TJP1: variants seen among roughly 807,000 people sequenced by gnomAD.
The protein encoded by TJP1 is tight junction protein ZO-1.
A neutral mutation model predicts 194.2 loss-of-function variants in TJP1; 43 were observed. The ratio of observed to expected loss-of-function variants is 0.22; its 90% CI spans 0.17 to 0.29. TJP1 has a LOEUF of 0.29. TJP1 is among the 10% of genes least tolerant of loss of function. The pLI, the probability that TJP1 is intolerant of heterozygous loss-of-function variation, is 1.00. For missense variants in TJP1, 1,971 were observed against 2,185.7 expected (o/e 0.90, Z 1.96); for synonymous variants, 801 against 779.0 (o/e 1.03, Z -0.47).
Position 29,718,489 on chromosome 15 carries a change from T to C in TJP1, c.3653A>G (p.His1218Arg), listed in dbSNP as rs1291693735. ...CAGCGGAGGGACAGCTGCAGCACCA[T>C]GGAGAGGCTCAAAATGACCTGCTCT... ...TSRAGHFEPL[H>R]GAAAVPPLIP... The change falls in exon 21 of 28, where the codon CAT becomes CGT. Residue 1218 changes from histidine to arginine, a missense_variant. His to Arg is a conservative substitution (Grantham distance 29). Coordinates refer to ENST00000614355, the MANE Select transcript of TJP1 (RefSeq NM_001330239.4). 5 of 1,614,146 alleles carry C rather than the reference T, an allele frequency of 3.1e-6. No homozygotes were observed. The highest frequency in any genetic ancestry group is 1.7e-5 in the Admixed American group (1 of 60,016).
Position 29,719,794 on chromosome 15 carries a change from G to A in TJP1, c.2986C>T (p.His996Tyr). The A allele has an allele frequency of 2.5e-6, 4 of 1,613,866 alleles. No homozygotes were observed. The highest frequency in any genetic ancestry group is 3.4e-6 in the Non-Finnish European group (4 of 1,179,868). The change falls in exon 20 of 28, where the codon CAT (histidine) becomes TAT (tyrosine). Residue 996 changes from histidine to tyrosine, a missense_variant. His to Tyr is a moderately conservative substitution (Grantham distance 83, BLOSUM62 2). Coordinates refer to ENST00000614355, the MANE Select transcript of TJP1 (RefSeq NM_001330239.4). ...LRDQEPSLSS[H>Y]VDPTKVYRKD... ...ACAGGTACCTTTGTTGGATCTACATGCGACGACAATGATGGTTCTTGATCT... is the reference window on the plus strand; with the variant it reads ...ACAGGTACCTTTGTTGGATCTACATACGACGACAATGATGGTTCTTGATCT...
In TJP1 at chr15:29,789,457, A is replaced by G. The variant is rs531770734; in HGVS notation, c.84+11189T>C. Among the ~76,000 whole-genome samples, 9 of 152,326 alleles carry G rather than the reference A, an allele frequency of 5.9e-5. No homozygotes were observed. In the South Asian group the frequency reaches 1.7e-3, roughly 28 times the overall value. On this transcript the variant is annotated intron_variant, in intron 2 of 27. Coordinates refer to ENST00000614355, the MANE Select transcript of TJP1 (RefSeq NM_001330239.4). Reference sequence around the variant, plus strand: ...CAAATTCTGCCTGTTTTTTTCTGATATAATTCCAGGGCCCACAAGAGTACA... The same window carrying G: ...CAAATTCTGCCTGTTTTTTTCTGATGTAATTCCAGGGCCCACAAGAGTACA...
chr15:29,884,206 G>C (rs775132622), intron 2 of TJP1, among the ~76,000 whole-genome samples: 10 of 152,160 alleles, frequency 6.6e-5, no homozygotes, highest in African/African-American at 1.2e-4. Context: ...AAACTAAACA[G>C]ATGTCTCATG....
chr15:29,926,188 A>C (rs924849304), intron 2 of TJP1, among the ~76,000 whole-genome samples: 1 of 152,260 alleles, frequency 6.6e-6, no homozygotes, highest in African/African-American at 2.4e-5. Flanking sequence ...AGTACAGTAA[A>C]TAAGTCTAGA....
chr15:29,941,321 G>A (rs62014518), intron 2 of TJP1, among the ~76,000 whole-genome samples: 46,477 of 151,858 alleles, frequency 0.31, 7,483 homozygotes, highest in Non-Finnish European at 0.36. Flanking sequence ...CCTATGCACT[G>A]GTGAGGTTCC....
chr15:29,838,078 A>C (rs917249553), intron 2 of TJP1, among the ~76,000 whole-genome samples: 8 of 152,238 alleles, frequency 5.3e-5, no homozygotes, highest in African/African-American at 1.9e-4. Flanking sequence ...GGCTACACAT[A>C]TATAAAATAT....
intron 2 of TJP1, among the ~76,000 whole-genome samples, chr15:29,835,650 C>CAA (rs11438507): frequency 0.015 from 2,261 of 148,316 alleles, 18 homozygotes; most frequent in Admixed American, 0.023. Flanking sequence ...ACCCTAGCTG[C>CAA]AAAAAAAAAA....
chr15:29,882,686 T>C (rs2052980348), intron 2 of TJP1, among the ~76,000 whole-genome samples: 1 of 152,218 alleles, frequency 6.6e-6, no homozygotes, highest in Admixed American at 6.5e-5. Flanking sequence ...AAGGTCCTTG[T>C]ATAATGACCC....
chr15:29,761,831 T>C lies in TJP1; in HGVS notation c.694-62A>G, dbSNP rs569257556. ...AATAAAATACAAATGTTAACTTAGT[T>C]TGTTATAAACAGAAATATCCAAACC... On this transcript the variant is annotated intron_variant, in intron 6 of 27. Coordinates refer to ENST00000614355, the MANE Select transcript of TJP1 (RefSeq NM_001330239.4). 4 of 1,409,450 alleles carry C rather than the reference T, an allele frequency of 2.8e-6. No homozygotes were observed. In the African/African-American group the frequency reaches 5.7e-5, roughly 20 times the overall value. 87.3% of individuals were successfully genotyped at this position (1,409,450 alleles called of 1,614,324 possible).
chr15:29,748,275 A>C (rs778673736), intron 8 of TJP1, among the ~76,000 whole-genome samples: 1 of 152,228 alleles, frequency 6.6e-6, no homozygotes, highest in Non-Finnish European at 1.5e-5. Context: ...TCCAATGTGC[A>C]TTTCACACTA....
intron 1 of TJP1, 75 bp from the exon 2 acceptor site, chr15:29,800,777 A>G (rs2048732515): frequency 1.4e-6 from 2 of 1,387,926 alleles, no homozygotes; most frequent in Admixed American, 3.6e-5. Context: ...AGAACATCCA[A>G]CAATTCAGCA....
At chr15:29,703,834 G>C (rs1357132791) in intron 27 of TJP1, among the ~76,000 whole-genome samples, 1 of 151,954 alleles carries the variant, frequency 6.6e-6, no homozygotes, top group African/African-American at 2.4e-5. Flanking sequence ...GTAGAGATGG[G>C]GTTTCACCAT....
intron 2 of TJP1, among the ~76,000 whole-genome samples, chr15:29,933,692 A>G (rs1311211024): frequency 1.3e-5 from 2 of 152,096 alleles, no homozygotes; most frequent in Admixed American, 6.6e-5. Context: ...TTTTTTCAAG[A>G]TATTAGAGAT....
chr15:29,761,237 G>C lies in TJP1; in HGVS notation c.912C>G (p.His304Gln), dbSNP rs766419502. The C allele has an allele frequency of 1.9e-6, 3 of 1,613,948 alleles. No homozygotes were observed. Among genetic ancestry groups the C allele is most frequent in the Non-Finnish European group, 2.5e-6 (3 of 1,179,988 alleles). The change falls in exon 8 of 28, where the codon CAC becomes CAG. Residue 304 changes from histidine to glutamine, a missense_variant. Physicochemically the swap from His to Gln is conservative, Grantham distance 24. Transcript: ENST00000614355. ...ACCGGCTGCGGCGGGGAGGCCTATC[G>C]TGTGATCGACCAGAATGATCTGATG... ...SLASDHSGRSHDRPPRRSRSR... is the reference protein window; with the variant it reads ...SLASDHSGRSQDRPPRRSRSR...
chr15:29,704,356 T>C, intron 26 of TJP1, 51 bp from the exon 27 acceptor site: 1 of 1,531,248 alleles, frequency 6.5e-7, no homozygotes, highest in Non-Finnish European at 8.8e-7. Flanking sequence ...GTCTTTCTTC[T>C]AGAATCCCAG....
exon 2 of TJP1, chr15:29,956,322 A>T: frequency 7.8e-7 from 1 of 1,289,118 alleles, no homozygotes; most frequent in African/African-American, 1.5e-5. Flanking sequence ...CTTGGCTGAC[A>T]CTAGAAGTAG....
chr15:29,952,131 T>C (rs1334680439), intron 2 of TJP1, among the ~76,000 whole-genome samples: 2 of 152,220 alleles, frequency 1.3e-5, no homozygotes, highest in South Asian at 2.1e-4. Context: ...GATTGTTATA[T>C]GTCTATCACC....
intron 2 of TJP1, among the ~76,000 whole-genome samples, chr15:29,905,803 T>C (rs1235917658): frequency 1.3e-5 from 2 of 152,198 alleles, no homozygotes; most frequent in African/African-American, 2.4e-5. Context: ...CTATCTGACA[T>C]TCTGGAAAAG....
chr15:29,832,466 G>A (rs1371840346), intron 2 of TJP1, among the ~76,000 whole-genome samples: 1 of 152,182 alleles, frequency 6.6e-6, no homozygotes, highest in Non-Finnish European at 1.5e-5. Flanking sequence ...GCTAAATACT[G>A]AGGTGGTTTG....
Sources: allele counts gnomAD v4.1 joint callset (sites outside exome capture counted in the v4.1 genomes callset), GRCh38; gene constraint gnomAD v4.1.1; transcripts MANE v1.5; gene names NCBI Gene and HGNC (gene_info 2026-07-23, HGNC 2026-07-21).